RARB: variants seen among roughly 807,000 people sequenced by gnomAD.
RARB encodes the protein retinoic acid receptor beta.
RARB carries 17 observed loss-of-function variants against 51.9 expected under a neutral mutation model. The ratio of observed to expected loss-of-function variants is 0.33; its 90% confidence interval spans 0.22 to 0.49. The LOEUF is 0.49. Among genes scored for constraint, RARB ranks in the 20% least tolerant of loss-of-function variants. The pLI, the probability that RARB is intolerant of heterozygous loss-of-function variation, is 0.99. For synonymous variants in RARB, 215 were observed against 195.4 expected (o/e 1.10, Z -0.84); for missense variants, 369 against 550.8 (o/e 0.67, Z 3.30).
At chr3:25,157,907 T>C (rs1016163865) in intron 4 of RARB, among the ~76,000 whole-genome samples, 2 of 76,602 alleles carry the variant, frequency 2.6e-5, no homozygotes, top group African/African-American at 8.6e-5. Context: ...TGACCAACTT[T>C]AAATCAACTG....
intron 5 of RARB, among the ~76,000 whole-genome samples, chr3:25,195,698 T>C (rs756739925): frequency 1.3e-5 from 2 of 152,160 alleles, no homozygotes; most frequent in African/African-American, 4.8e-5. Context: ...CATTAACTTA[T>C]CATGAAATTA....
intron 5 of RARB, among the ~76,000 whole-genome samples, chr3:25,176,764 T>A (rs140412819): frequency 6.6e-6 from 1 of 152,180 alleles, no homozygotes; most frequent in African/African-American, 2.4e-5. Flanking sequence ...ATATCATATC[T>A]AAGCCTCTTT....
chr3:25,214,432 T>A (rs1701770895), intron 5 of RARB, among the ~76,000 whole-genome samples: 1 of 152,226 alleles, frequency 6.6e-6, no homozygotes, highest in South Asian at 2.1e-4. Flanking sequence ...AGACAATATC[T>A]GAGGTAGGTG....
chr3:25,276,939 C>G (rs961450720), intron 5 of RARB, among the ~76,000 whole-genome samples: 1 of 152,070 alleles, frequency 6.6e-6, no homozygotes, highest in African/African-American at 2.4e-5. Context: ...GTCATCTTAT[C>G]TCATTGATGA....
chr3:25,134,580 G>GT (rs1323686075), intron 4 of RARB, among the ~76,000 whole-genome samples: 4 of 151,914 alleles, frequency 2.6e-5, no homozygotes, highest in Non-Finnish European at 4.4e-5. Flanking sequence ...ATGATAACGT[G>GT]ATACTATCAT....
intron 3 of RARB, among the ~76,000 whole-genome samples, chr3:25,533,502 G>GTA (rs1179637990): frequency 6.6e-6 from 1 of 152,186 alleles, no homozygotes; most frequent in East Asian, 1.9e-4. Context: ...TCCATGGGTA[G>GTA]TATAGCACAT....
chr3:25,399,821 T>C (rs1707216340), intron 5 of RARB, among the ~76,000 whole-genome samples: 2 of 152,194 alleles, frequency 1.3e-5, no homozygotes, highest in South Asian at 4.1e-4. Context: ...TGCATATAAC[T>C]AGCAAGTCTC....
At chr3:25,009,460 T>C (rs937913614) in intron 2 of RARB, among the ~76,000 whole-genome samples, 5 of 152,120 alleles carry the variant, frequency 3.3e-5, no homozygotes, top group Admixed American at 6.6e-5. Flanking sequence ...AAATGGGTAA[T>C]TGTGATCGGC....
chr3:25,465,773 G>C (rs924290081), intron 2 of RARB, among the ~76,000 whole-genome samples: 1 of 152,120 alleles, frequency 6.6e-6, no homozygotes. Context: ...TACACAAAAG[G>C]AATGTGCAGT....
intron 5 of RARB, among the ~76,000 whole-genome samples, chr3:25,288,104 A>G (rs1450757612): frequency 6.6e-6 from 1 of 152,164 alleles, no homozygotes; most frequent in Non-Finnish European, 1.5e-5. Flanking sequence ...TAAGTACCAA[A>G]TATAGCAAGA....
chr3:25,103,693 G>T (rs777570737), intron 3 of RARB, among the ~76,000 whole-genome samples: 1 of 152,234 alleles, frequency 6.6e-6, no homozygotes, highest in Non-Finnish European at 1.5e-5. Flanking sequence ...TAACTTGCCC[G>T]GTGTCACTCA....
rs534564377 is a variant in RARB at position 24,937,063 on chromosome 3, T to C, written c.-380+78311T>C. ...TGTGACTATTGTCTGTAAAAGAATG[T>C]AACATTCATCTTTTTGTGTAATTTA... On this transcript the variant is annotated intron_variant, in intron 2 of 11. Transcript: ENST00000383772. Among the ~76,000 whole-genome samples, 9 of 152,336 alleles carry C rather than the reference T, an allele frequency of 5.9e-5. No individual in the cohort carries two copies. In the South Asian group the frequency reaches 1.9e-3, roughly 32 times the overall value.
intron 4 of RARB, among the ~76,000 whole-genome samples, chr3:25,138,229 A>AC (rs1700060390): frequency 1.3e-5 from 2 of 152,280 alleles, no homozygotes; most frequent in African/African-American, 2.4e-5. Context: ...TTACCACTGT[A>AC]CATAGATGAA....
chr3:24,937,314 A>C (rs1350333511), intron 2 of RARB, among the ~76,000 whole-genome samples: 1 of 152,120 alleles, frequency 6.6e-6, no homozygotes, highest in Non-Finnish European at 1.5e-5. Flanking sequence ...TTCTATGTGG[A>C]GTGCAGTATG....
intron 3 of RARB, among the ~76,000 whole-genome samples, chr3:25,106,263 G>GGTAATGTATCACAA (rs71295099): frequency 1.4e-4 from 22 of 152,078 alleles, no homozygotes; most frequent in African/African-American, 5.3e-4. Context: ...AGAAATGCAT[G>GGTAATGTATCACAA]TTTCATACAA....
chr3:25,296,346 A>C (rs1424502133), intron 5 of RARB, among the ~76,000 whole-genome samples: 1 of 152,168 alleles, frequency 6.6e-6, no homozygotes, highest in East Asian at 1.9e-4. Flanking sequence ...CTTAGAGGAA[A>C]ATTAAGCTAT....
At chr3:25,440,599 C>T (rs1057162873) in intron 1 of RARB, among the ~76,000 whole-genome samples, 5 of 151,828 alleles carry the variant, frequency 3.3e-5, no homozygotes, top group African/African-American at 7.3e-5. Flanking sequence ...GGTGAAACCC[C>T]GTCTCTACTA....
chr3:24,901,035 T>G (rs2125371515), intron 2 of RARB, among the ~76,000 whole-genome samples: 1 of 152,348 alleles, frequency 6.6e-6, no homozygotes, highest in South Asian at 2.1e-4. Context: ...TGTTTTTCCC[T>G]CCACTAGTGG....
intron 2 of RARB, among the ~76,000 whole-genome samples, chr3:24,902,158 T>C (rs1460837197): frequency 6.6e-6 from 1 of 152,196 alleles, no homozygotes; most frequent in Non-Finnish European, 1.5e-5. Flanking sequence ...GTTAAGTGGC[T>C]TGTCCACATT....
Sources: gnomAD v4.1 joint callset for allele counts (sites outside exome capture counted in the v4.1 genomes callset) on GRCh38, gnomAD v4.1.1 for gene constraint, MANE v1.5 for transcripts, NCBI Gene and HGNC (gene_info 2026-07-23, HGNC 2026-07-21) for gene names.